Variants in CLMP observed in about 807,000 individuals in gnomAD.
The protein encoded by CLMP is CXADR like cell adhesion molecule.
Under a neutral mutation model 45.2 loss-of-function variants are expected in CLMP, and 27 were observed. That is an observed-to-expected ratio of 0.60 (90% CI 0.44 to 0.82). CLMP has a LOEUF of 0.82. Ranked by LOEUF, CLMP falls within the 40% of genes least tolerant of loss-of-function variation. CLMP has a pLI of 0.00. For synonymous variants in CLMP, 167 were observed against 171.4 expected, an observed-to-expected ratio of 0.97 and a Z score of 0.20; for missense variants, 403 against 448.4, an observed-to-expected ratio of 0.90 and a Z score of 0.91.
intron 1 of CLMP, among the ~76,000 whole-genome samples, chr11:123,134,737 G>A (rs901605275): frequency 1.6e-4 from 25 of 151,992 alleles, no homozygotes; most frequent in African/African-American, 6.0e-4. Context: ...GAACCCAGGA[G>A]GTGGAGGTTA....
At chr11:123,133,832 TC>T (rs931694196) in intron 1 of CLMP, among the ~76,000 whole-genome samples, 4 of 152,100 alleles carry the variant, frequency 2.6e-5, no homozygotes, top group Non-Finnish European at 5.9e-5. Context: ...CCTTGCTGTC[TC>T]CCCCAGCTTA....
chr11:123,167,568 A>G (rs1861575666), intron 1 of CLMP, among the ~76,000 whole-genome samples: 1 of 151,890 alleles, frequency 6.6e-6, no homozygotes, highest in Non-Finnish European at 1.5e-5. Flanking sequence ...TACAGGCATG[A>G]GCCACCACGC....
At chr11:123,123,013 C>T (rs977783620) in intron 1 of CLMP, among the ~76,000 whole-genome samples, 2 of 152,044 alleles carry the variant, frequency 1.3e-5, no homozygotes, top group South Asian at 2.1e-4. Flanking sequence ...ACCCTCATCC[C>T]TTTTGCTGTG....
chr11:123,086,662 G>T (rs1456327609), intron 2 of CLMP, among the ~76,000 whole-genome samples: 1 of 152,230 alleles, frequency 6.6e-6, no homozygotes, highest in African/African-American at 2.4e-5. Flanking sequence ...TTTAGGCACA[G>T]ATGGGGAAGA....
At chr11:123,089,579 C>T (rs1307523015) in intron 2 of CLMP, among the ~76,000 whole-genome samples, 1 of 150,984 alleles carries the variant, frequency 6.6e-6, no homozygotes, top group East Asian at 2.0e-4. Flanking sequence ...TCCTGGCTAA[C>T]ACGGTGAAAC....
chr11:123,077,912 G>T (rs1865758650), intron 5 of CLMP, among the ~76,000 whole-genome samples: 1 of 152,106 alleles, frequency 6.6e-6, no homozygotes, highest in South Asian at 2.1e-4. Context: ...TTCGAGACCA[G>T]CCTGGCCAAC....
intron 1 of CLMP, 114 bp from the exon 2 acceptor site, chr11:123,098,066 G>T: frequency 2.5e-6 from 2 of 813,966 alleles, no homozygotes; most frequent in Non-Finnish European, 1.8e-6. Flanking sequence ...CATGTGGAGG[G>T]GTTGCAAGAG....
intron 1 of CLMP, among the ~76,000 whole-genome samples, chr11:123,107,803 A>AT (rs368949127): frequency 0.24 from 35,104 of 148,820 alleles, 4,065 homozygotes; most frequent in Admixed American, 0.29. Flanking sequence ...GCTCTCTCCT[A>AT]TTTTTTTTTT....
chr11:123,079,304 A>G (rs1004822889), intron 5 of CLMP, among the ~76,000 whole-genome samples: 18 of 152,164 alleles, frequency 1.2e-4, no homozygotes, highest in Non-Finnish European at 4.4e-5. Context: ...TACAGTTTTT[A>G]TATTTACTAA....
chr11:123,150,402 AGAAGGAAG>A (rs1183038267), intron 1 of CLMP, among the ~76,000 whole-genome samples: 4 of 144,402 alleles, frequency 2.8e-5, no homozygotes, highest in Non-Finnish European at 3.0e-5. Flanking sequence ...GATGAACAAA[AGAAGGAAG>A]GAAGGTAAGA....
Position 123,177,058 on chromosome 11 carries a change from C to A in CLMP, c.28+17855G>T, listed in dbSNP as rs149789360. On this transcript the variant is annotated intron_variant, in intron 1 of 6. Transcript: ENST00000448775. Reference sequence around the variant, plus strand: ...ATCACATTTTGAAGGGTAGCAGGTGCGGGTGATTGTTGCCATAACAGAAAG... The same window carrying A: ...ATCACATTTTGAAGGGTAGCAGGTGAGGGTGATTGTTGCCATAACAGAAAG... Among the ~76,000 whole-genome samples, 15 of 152,152 alleles carry A rather than the reference C, an allele frequency of 9.9e-5. No individual in the cohort carries two copies. In the East Asian group the frequency reaches 2.3e-3, roughly 24 times the overall value.
intron 2 of CLMP, among the ~76,000 whole-genome samples, chr11:123,090,076 T>G (rs7104473): frequency 1.3e-4 from 19 of 149,340 alleles, no homozygotes; most frequent in African/African-American, 4.7e-4. Context: ...GCAACAAGAG[T>G]GAAACTCTGT....
At chr11:123,194,135 C>G (rs1861946151) in intron 1 of CLMP, among the ~76,000 whole-genome samples, 1 of 152,060 alleles carries the variant, frequency 6.6e-6, no homozygotes, top group Non-Finnish European at 1.5e-5. Flanking sequence ...CTCAGGGCCT[C>G]TGAGGCCCCA....
intron 5 of CLMP, among the ~76,000 whole-genome samples, 194 bp from the exon 6 acceptor site, chr11:123,075,037 C>T (rs1865721621): frequency 6.6e-6 from 1 of 151,472 alleles, no homozygotes; most frequent in Non-Finnish European, 1.5e-5. Context: ...CTCATCGCAA[C>T]CTCCACCTCC....
At chr11:123,126,755 G>C (rs1860900972) in intron 1 of CLMP, among the ~76,000 whole-genome samples, 1 of 152,060 alleles carries the variant, frequency 6.6e-6, no homozygotes, top group South Asian at 2.1e-4. Flanking sequence ...AAATTAGCCA[G>C]GCGTGGTGGT....
intron 1 of CLMP, among the ~76,000 whole-genome samples, chr11:123,172,269 G>A (rs1359371402): frequency 5.3e-5 from 8 of 151,816 alleles, no homozygotes; most frequent in Non-Finnish European, 7.4e-5. Context: ...CCACCACCAC[G>A]CCTGGCTAAT....
At chr11:123,185,343 C>T (rs1440573656) in intron 1 of CLMP, among the ~76,000 whole-genome samples, 1 of 152,000 alleles carries the variant, frequency 6.6e-6, no homozygotes, top group Non-Finnish European at 1.5e-5. Flanking sequence ...GTCTGTCTGT[C>T]TTGTTAAGTG....
chr11:123,135,816 C>A, intron 1 of CLMP: 1 of 345,588 alleles, frequency 2.9e-6, no homozygotes, highest in South Asian at 2.8e-5. Flanking sequence ...CTAGTTGTTT[C>A]TCCTTGCCCT....
At chr11:123,167,930 G>A (rs1205036149) in intron 1 of CLMP, among the ~76,000 whole-genome samples, 5 of 152,038 alleles carry the variant, frequency 3.3e-5, no homozygotes, top group Non-Finnish European at 7.3e-5. Flanking sequence ...AGAGAGTGCA[G>A]TCTCTCTTAT....
Sources: gnomAD v4.1 joint callset for allele counts (sites outside exome capture counted in the v4.1 genomes callset) on GRCh38, gnomAD v4.1.1 for gene constraint, MANE v1.5 for transcripts, NCBI Gene and HGNC (gene_info 2026-07-23, HGNC 2026-07-21) for gene names.